The following KCNG3 variants were observed in gnomAD, a reference collection of about 807,000 sequenced individuals.
The protein encoded by KCNG3 is voltage-gated potassium channel regulatory subunit KCNG3.
Under a neutral mutation model 29.0 loss-of-function variants are expected in KCNG3, and 15 were observed. The observed-to-expected ratio is 0.52, with a 90% CI of 0.35 to 0.80. The LOEUF (loss-of-function observed/expected upper bound fraction) is 0.80, where lower values mean the gene tolerates loss of function less well. Among genes scored for constraint, KCNG3 ranks in the 30% least tolerant of loss-of-function variants. The pLI is 0.01. For synonymous variants in KCNG3, 322 were observed against 248.9 expected (o/e 1.29, Z -2.76); for missense variants, 512 against 605.7 (o/e 0.85, Z 1.62).
chr2:42,455,179 G>A (rs1672848500), intron 1 of KCNG3, among the ~76,000 whole-genome samples: 1 of 152,124 alleles, frequency 6.6e-6, no homozygotes, highest in African/African-American at 2.4e-5. Context: ...TTGTAGAGCT[G>A]AGATCTCGCT....
chr2:42,424,436 T>TA, the KCNG3 span, among the ~76,000 whole-genome samples: 22,102 of 138,274 alleles, frequency 0.16, 1,663 homozygotes, highest in African/African-American at 0.2. Context: ...TCCGTCCCTT[T>TA]AAAAAAAAAA....
the KCNG3 span, among the ~76,000 whole-genome samples, chr2:42,432,783 C>T: frequency 1.3e-5 from 2 of 151,988 alleles, no homozygotes; most frequent in Non-Finnish European, 2.9e-5. Context: ...AAACCATCAA[C>T]AAGTACTTCT....
the KCNG3 span, among the ~76,000 whole-genome samples, chr2:42,400,660 C>T: frequency 4.6e-5 from 7 of 152,158 alleles, no homozygotes; most frequent in South Asian, 1.5e-3. Context: ...TAAATTGAGA[C>T]TAGGCTTATG....
At chr2:42,460,801 C>G (rs1672995603) in intron 1 of KCNG3, among the ~76,000 whole-genome samples, 2 of 152,102 alleles carry the variant, frequency 1.3e-5, no homozygotes, top group South Asian at 2.1e-4. Context: ...GTGAAGAAAA[C>G]AAAAGGCACC....
the KCNG3 span, among the ~76,000 whole-genome samples, chr2:42,403,754 C>T: frequency 6.6e-6 from 1 of 151,596 alleles, no homozygotes; most frequent in Non-Finnish European, 1.5e-5. Flanking sequence ...CGAGAGCCAC[C>T]GTGCCTGGCC....
intron 1 of KCNG3, among the ~76,000 whole-genome samples, chr2:42,467,027 A>G (rs965030633): frequency 2.0e-5 from 3 of 152,152 alleles, no homozygotes; most frequent in African/African-American, 7.2e-5. Flanking sequence ...TGCTGGGATT[A>G]TAGGCAGGAG....
the KCNG3 span, among the ~76,000 whole-genome samples, chr2:42,399,007 G>C: frequency 6.8e-6 from 1 of 148,116 alleles, no homozygotes; most frequent in African/African-American, 2.5e-5. Context: ...TCCCTGGCCC[G>C]TTTTTTAATA....
intron 1 of KCNG3, among the ~76,000 whole-genome samples, chr2:42,458,530 G>A (rs1404100548): frequency 6.6e-6 from 1 of 151,838 alleles, no homozygotes; most frequent in East Asian, 1.9e-4. Context: ...GTCCTGCTAA[G>A]ACAGGGGCTA....
At chr2:42,472,256 G>T (rs1178472409) in intron 1 of KCNG3, among the ~76,000 whole-genome samples, 1 of 152,166 alleles carries the variant, frequency 6.6e-6, no homozygotes, top group Admixed American at 6.5e-5. Flanking sequence ...CAGTTAAAAT[G>T]CAAGGGCTAC....
chr2:42,394,933 C>T, the KCNG3 span, among the ~76,000 whole-genome samples: 2 of 152,184 alleles, frequency 1.3e-5, no homozygotes, highest in African/African-American at 2.4e-5. Flanking sequence ...CCAAATTCTC[C>T]TTGGTGTAGT....
At chr2:42,462,947 A>G (rs1023862351) in intron 1 of KCNG3, among the ~76,000 whole-genome samples, 2 of 152,054 alleles carry the variant, frequency 1.3e-5, no homozygotes, top group African/African-American at 4.8e-5. Context: ...AGCTAAAAGG[A>G]CCTTTTTTGG....
the KCNG3 span, among the ~76,000 whole-genome samples, chr2:42,435,581 A>C: frequency 6.6e-6 from 1 of 152,206 alleles, no homozygotes; most frequent in African/African-American, 2.4e-5. Context: ...CTTTTTTAAA[A>C]AACCTATTTT....
the KCNG3 span, among the ~76,000 whole-genome samples, chr2:42,406,213 T>C: frequency 1.3e-5 from 2 of 152,132 alleles, no homozygotes; most frequent in Non-Finnish European, 2.9e-5. Flanking sequence ...CTGTCCTTTT[T>C]TAACACATTA....
At chr2:42,441,383 A>C (rs1015479663), downstream of KCNG3, among the ~76,000 whole-genome samples, 11 of 152,152 alleles carry the variant, frequency 7.2e-5, no homozygotes, top group African/African-American at 2.4e-4. Context: ...GCAAAACTCT[A>C]TCTCTAGAAA....
chr2:42,484,354 C>T (rs190362134), intron 1 of KCNG3, among the ~76,000 whole-genome samples: 12 of 152,128 alleles, frequency 7.9e-5, no homozygotes, highest in Admixed American at 6.6e-4. Context: ...CCCAGCTACT[C>T]GGGGGGCTGA....
chr2:42,467,406 G>A (rs932542926), intron 1 of KCNG3, among the ~76,000 whole-genome samples: 8 of 152,090 alleles, frequency 5.3e-5, no homozygotes, highest in Admixed American at 2.0e-4. Context: ...AGCAACTCAC[G>A]CCTGTAATCC....
chr2:42,403,782 G>A, the KCNG3 span, among the ~76,000 whole-genome samples: 4 of 151,520 alleles, frequency 2.6e-5, no homozygotes, highest in Admixed American at 6.6e-5. Flanking sequence ...TTAGTTTTTT[G>A]TAGAGATGAG....
intron 1 of KCNG3, among the ~76,000 whole-genome samples, chr2:42,490,695 G>C (rs1292072545): frequency 1.3e-5 from 2 of 152,244 alleles, no homozygotes; most frequent in Admixed American, 6.5e-5. Context: ...CTATGATGGA[G>C]TAAGTCAAGA....
chr2:42,492,729 C>T lies in KCNG3; in HGVS notation c.665+108G>A, dbSNP rs867585099. The T allele has an allele frequency of 3.9e-5, 44 of 1,130,136 alleles. No homozygotes were observed. In the African/African-American group the frequency reaches 4.9e-4, roughly 13 times the overall value. The allele number at this position is 1,130,136 out of a possible 1,614,324, so 70.0% of individuals were successfully genotyped here. On this transcript the variant is annotated intron_variant, in intron 1 of 1. Transcript: ENST00000306078. ...GCCTGGGCCTCGCTGGGCGCGCACCCCGCTGGCTCGGTCGCCCGGAGGCGG... is the reference window on the plus strand; with the variant it reads ...GCCTGGGCCTCGCTGGGCGCGCACCTCGCTGGCTCGGTCGCCCGGAGGCGG...
Sources: gnomAD v4.1 joint callset for allele counts (sites outside exome capture counted in the v4.1 genomes callset) on GRCh38, gnomAD v4.1.1 for gene constraint, MANE v1.5 for transcripts, NCBI Gene and HGNC (gene_info 2026-07-23, HGNC 2026-07-21) for gene names.